Variants in ZNF561 observed in about 807,000 individuals in gnomAD.
ZNF561 encodes the protein zinc finger protein 561.
ZNF561 carries 16 observed loss-of-function variants against 16.7 expected under a neutral mutation model. That is an observed-to-expected ratio of 0.96 (90% CI 0.65 to 1.45). ZNF561 has a LOEUF of 1.45. ZNF561 is among the 40% of genes most tolerant of loss of function. ZNF561 has a pLI of 0.00. For synonymous variants in ZNF561, 190 were observed against 192.1 expected (o/e 0.99, Z 0.09); for missense variants, 580 against 578.0 (o/e 1.00, Z -0.04).
Position 9,609,093 on chromosome 19 carries a change from C to T in ZNF561, c.*1107G>A, listed in dbSNP as rs1321630007. 1.3e-5 allele frequency: 2 copies of T among 152,194 alleles called. No homozygotes were observed. The highest frequency in any genetic ancestry group is 1.5e-5 in the Non-Finnish European group (1 of 68,034). 9.4% of individuals were successfully genotyped at this position (152,194 alleles called of 1,614,324 possible). A position where few individuals can be genotyped will look rare whatever the true frequency, so the allele number is the denominator to read the frequency against. ...GGCATTCCTAAACCACAAACAATAC[C>T]ATGAGTGATTTGTGCCTTAAGGACA... On this transcript the variant is annotated 3_prime_UTR_variant, in exon 6 of 6. Coordinates refer to ENST00000302851, the MANE Select transcript of ZNF561 (RefSeq NM_152289.3).
At chr19:9,613,884 T>G in intron 5 of ZNF561, 137 bp downstream of exon 5, 1 of 998,160 alleles carries the variant, frequency 1.0e-6, no homozygotes, top group Non-Finnish European at 1.5e-6. Flanking sequence ...TGGGCTCAAA[T>G]GAGACCCCCA....
chr19:9,610,395 T>C lies in ZNF561; in HGVS notation c.1266A>G (p.Val422=), dbSNP rs1342691880. ...LKTHSGEKPF[V]CKICGKAFLY... is the part of the protein sequence containing the mutation. ...GAAATGCTTTCCCACATATCTTGCA[T>C]ACAAAGGGCTTTTCTCCACTATGAG... Residue 422 remains valine (V), a synonymous_variant, in exon 6 of 6, where the codon GTA becomes GTG. Transcript: ENST00000302851. 6.2e-7 allele frequency: 1 copy of C among 1,613,800 alleles called. No homozygotes were observed. The highest frequency in any genetic ancestry group is 8.5e-7 in the Non-Finnish European group (1 of 1,179,786).
In ZNF561 at chr19:9,614,162, G is replaced by A. The variant is rs1225818190; in HGVS notation, c.242-59C>T. ...TAGAGAAGAAATATTCATTTAAAAT[G>A]AGTCATTTTTACTTGTTTTCAAATT... On this transcript the variant is annotated intron_variant, in intron 4 of 5. Transcript: ENST00000302851. 2.0e-5 allele frequency: 31 copies of A among 1,580,522 alleles called. No homozygotes were observed. In the East Asian group the frequency reaches 6.7e-4, roughly 34 times the overall value.
intron 5 of ZNF561, 69 bp from the exon 6 acceptor site, chr19:9,611,405 C>T: frequency 6.9e-7 from 1 of 1,439,582 alleles, no homozygotes; most frequent in Non-Finnish European, 9.3e-7. Context: ...CATCTGAACA[C>T]AGAAGCATTT....
intron 3 of ZNF561, 144 bp from the exon 4 acceptor site, chr19:9,617,315 G>T: frequency 2.3e-6 from 3 of 1,325,326 alleles, no homozygotes; most frequent in South Asian, 2.6e-5. Flanking sequence ...TGTCTCAGGA[G>T]CTCTTGTGTC....
chr19:9,617,667 C>T, intron 3 of ZNF561: 1 of 457,222 alleles, frequency 2.2e-6, no homozygotes. Flanking sequence ...CCACTGCACA[C>T]TGCTTACGCT....
At chr19:9,612,557 C>G (rs2074480588) in intron 5 of ZNF561, among the ~76,000 whole-genome samples, 1 of 152,092 alleles carries the variant, frequency 6.6e-6, no homozygotes, top group South Asian at 2.1e-4. Context: ...ACTATGTAGC[C>G]TAGGCTGATC....
In ZNF561 at chr19:9,619,350, C is replaced by CA. The variant is rs924742437; in HGVS notation, c.25+81dup. The CA allele has an allele frequency of 2.8e-6, 4 of 1,432,526 alleles. No homozygotes were observed. In the African/African-American group the frequency reaches 5.7e-5, roughly 20 times the overall value. The allele number at this position is 1,432,526 out of a possible 1,614,324, so 88.7% of individuals were successfully genotyped here. On this transcript the variant is annotated intron_variant, in intron 2 of 5. Transcript: ENST00000302851. The stretch of plus-strand genomic sequence containing the variant: ...TAAAAGAACCAGCTGCATGCCTGCT[C>CA]AGGCTCAGCTCACTGGACGCTTGTG...
rs901816037 is a variant in ZNF561 at position 9,608,300 on chromosome 19, GGA to G, written c.*1898_*1899del. 1 of 152,010 alleles carries G rather than the reference GGA, an allele frequency of 6.6e-6. No individual in the cohort carries two copies. Among genetic ancestry groups the G allele is most frequent in the African/African-American group, 2.4e-5 (1 of 41,390 alleles). The allele number at this position is 152,010 out of a possible 1,614,324, so 9.4% of individuals were successfully genotyped here. ...AAGAGGAGAGAGGAGAGAGGAGAAA[GGA>G]GAGAGGAGAGAGAGACCTATTTGTT... is the stretch of plus-strand genomic sequence containing the variant. On this transcript the variant is annotated 3_prime_UTR_variant, in exon 6 of 6. Coordinates refer to ENST00000302851, the MANE Select transcript of ZNF561 (RefSeq NM_152289.3).
chr19:9,612,963 T>G (rs1291394932), intron 5 of ZNF561, among the ~76,000 whole-genome samples: 1 of 151,678 alleles, frequency 6.6e-6, no homozygotes, highest in Non-Finnish European at 1.5e-5. Flanking sequence ...GCCCTGCTAA[T>G]TTTTTATTCC....
rs556772683 is a variant in ZNF561 at position 9,608,255 on chromosome 19, A to G, written c.*1945T>C. 6.6e-6 allele frequency: 1 copy of G among 151,562 alleles called. No individual in the cohort carries two copies. Among genetic ancestry groups the G allele is most frequent in the Admixed American group, 6.6e-5 (1 of 15,158 alleles). 9.4% of individuals were successfully genotyped at this position (151,562 alleles called of 1,614,324 possible). The stretch of plus-strand genomic sequence containing the variant: ...AGGGGGAGGGAGGGGAAGGAGAGAG[A>G]TGGTGGGGAGAGAGAGAGAAAGAGG... On this transcript the variant is annotated 3_prime_UTR_variant, in exon 6 of 6. Coordinates refer to ENST00000302851, the MANE Select transcript of ZNF561 (RefSeq NM_152289.3).
intron 3 of ZNF561, 167 bp downstream of exon 3, chr19:9,617,924 T>C (rs375388344): frequency 1.8e-5 from 12 of 652,812 alleles, no homozygotes; most frequent in Non-Finnish European, 3.0e-5. Flanking sequence ...TAACATTTTA[T>C]GTATAGGAGA....
chr19:9,617,797 C>A (rs2074584896), intron 3 of ZNF561: 1 of 483,928 alleles, frequency 2.1e-6, no homozygotes, highest in South Asian at 1.5e-5. Flanking sequence ...GATAAAAGGA[C>A]ACTTTCATCT....
In ZNF561 at chr19:9,617,377, T is replaced by A. The variant is rs1226591800; in HGVS notation, c.115-206A>T. Reference sequence around the variant, plus strand: ...GGCATATGCCTTAAACAGCACTTTTTAAAATTTTTTTAAATCTTTTTTTGC... The same window carrying A: ...GGCATATGCCTTAAACAGCACTTTTAAAAATTTTTTTAAATCTTTTTTTGC... On this transcript the variant is annotated intron_variant, in intron 3 of 5. Coordinates refer to ENST00000302851, the MANE Select transcript of ZNF561 (RefSeq NM_152289.3). 30 of 1,192,000 alleles carry A rather than the reference T, an allele frequency of 2.5e-5. No homozygotes were observed. The East Asian group carries it at 3.4e-4, about 14-fold the overall frequency. The allele number at this position is 1,192,000 out of a possible 1,614,324, so 73.8% of individuals were successfully genotyped here.
At chr19:9,614,261 G>A in intron 4 of ZNF561, 158 bp from the exon 5 acceptor site, 4 of 758,238 alleles carry the variant, frequency 5.3e-6, no homozygotes, top group East Asian at 2.7e-5. Flanking sequence ...ATAATGATGT[G>A]GGGTTTATTA....
intron 4 of ZNF561, 151 bp downstream of exon 4, chr19:9,616,894 T>C (rs2074564357): frequency 8.9e-7 from 1 of 1,127,916 alleles, no homozygotes; most frequent in East Asian, 2.7e-5. Flanking sequence ...GCGCCCGGCC[T>C]AGAATTTTTT....
At position 9,610,390 on chromosome 19, in the gene ZNF561, T is replaced by C; in HGVS notation, c.1271A>G (p.Lys424Arg). 4.3e-6 allele frequency: 7 copies of C among 1,613,976 alleles called. No individual in the cohort carries two copies. Among genetic ancestry groups the C allele is most frequent in the South Asian group, 1.1e-5 (1 of 91,078 alleles). Residue 424 changes from lysine (K) to arginine (R), a missense_variant, in exon 6 of 6, where the codon AAG becomes AGG. By Grantham distance (26) the Lys-to-Arg change is conservative. Coordinates refer to ENST00000302851, the MANE Select transcript of ZNF561 (RefSeq NM_152289.3). ...ATATAGAAATGCTTTCCCACATATC[T>C]TGCATACAAAGGGCTTTTCTCCACT... ...THSGEKPFVCKICGKAFLYSS... is the reference protein window; with the variant it reads ...THSGEKPFVCRICGKAFLYSS...
chr19:9,610,871 T>G lies in ZNF561; in HGVS notation c.790A>C (p.Asn264His). ...ACAGGTGCATAAAGTTGAGAAAAAT[T>G]AGTGAAGGATTTCCCACATTTCTTA... ...KTKKCGKSFT[N>H]FSQLYAPVKT... The change falls in exon 6 of 6, where the codon AAT becomes CAT. Residue 264 changes from asparagine (N) to histidine (H), a missense_variant. Asn to His is a moderately conservative substitution (Grantham distance 68). Transcript: ENST00000302851. The G allele has an allele frequency of 6.2e-7, 1 of 1,614,180 alleles. No homozygotes were observed. The highest frequency in any genetic ancestry group is 8.5e-7 in the Non-Finnish European group (1 of 1,180,038).
intron 1 of ZNF561, among the ~76,000 whole-genome samples, chr19:9,619,921 C>CTATCTATCTAT (rs1555692401): frequency 2.6e-5 from 3 of 116,232 alleles, no homozygotes; most frequent in Admixed American, 8.5e-5. Context: ...CTATATCTAT[C>CTATCTATCTAT]CTATCTATCT....
Sources: gnomAD v4.1 joint callset for allele counts (sites outside exome capture counted in the v4.1 genomes callset) on GRCh38, gnomAD v4.1.1 for gene constraint, MANE v1.5 for transcripts, NCBI Gene and HGNC (gene_info 2026-07-23, HGNC 2026-07-21) for gene names.